GALNT14: variants seen among roughly 807,000 people sequenced by gnomAD.
The protein encoded by GALNT14 is polypeptide N-acetylgalactosaminyltransferase 14, also known as UDP-GalNAc:polypeptide N-acetylgalactosaminyltransferase 14.
GALNT14 carries 60 observed loss-of-function variants against 77.5 expected under a neutral mutation model. The ratio of observed to expected loss-of-function variants is 0.77; its 90% CI spans 0.63 to 0.96. The LOEUF is 0.96. Among genes scored for constraint, GALNT14 ranks in the 40% least tolerant of loss-of-function variants. The pLI, the probability that GALNT14 is intolerant of heterozygous loss-of-function variation, is 0.00. For synonymous variants in GALNT14, 280 were observed against 281.7 expected (o/e 0.99, Z 0.06); for missense variants, 710 against 731.0 (o/e 0.97, Z 0.33).
rs561540999 is a variant in GALNT14 at position 31,119,787 on chromosome 2, G to A, written c.129+18171C>T. On this transcript the variant is annotated intron_variant, in intron 1 of 14. Transcript: ENST00000349752. ...GTAGCAACAAGAGATGAGAGATAAA[G>A]TGTATACCCATCAAATGGAAATAGC... Among the ~76,000 whole-genome samples, 18 of 152,312 alleles carry A rather than the reference G, an allele frequency of 1.2e-4. 1 individual carries two copies. The South Asian group carries it at 3.7e-3, about 32-fold the overall frequency.
chr2:31,098,569 G>C lies in GALNT14; in HGVS notation c.129+39389C>G, dbSNP rs548272141. On this transcript the variant is annotated intron_variant, in intron 1 of 14. Transcript: ENST00000349752. Reference sequence around the variant, plus strand: ...CCTTAAGGGAAACCATTGTTAGTCTGTTGTATTATCTTTCCAGAATTTCTT... The same window carrying C: ...CCTTAAGGGAAACCATTGTTAGTCTCTTGTATTATCTTTCCAGAATTTCTT... Among the ~76,000 whole-genome samples, 229 of 152,242 alleles carry C rather than the reference G, an allele frequency of 1.5e-3. 1 individual carries two copies. Among genetic ancestry groups the C allele is most frequent in the African/African-American group, 5.1e-3 (213 of 41,560 alleles).
chr2:31,114,275 GA>G (rs755840695), intron 1 of GALNT14, among the ~76,000 whole-genome samples: 418 of 138,454 alleles, frequency 3.0e-3, no homozygotes, highest in Middle Eastern at 0.022. Flanking sequence ...CAACAAGTGG[GA>G]AAAAAAAAAA....
At chr2:31,050,987 A>C (rs11891469) in intron 1 of GALNT14, among the ~76,000 whole-genome samples, 43,208 of 151,864 alleles carry the variant, frequency 0.28, 6,770 homozygotes, top group East Asian at 0.44. Context: ...AGATGAAGTC[A>C]AGGAATCAGG....
chr2:30,990,945 C>T (rs895537752), intron 2 of GALNT14, among the ~76,000 whole-genome samples: 13 of 152,204 alleles, frequency 8.5e-5, no homozygotes, highest in African/African-American at 2.9e-4. Flanking sequence ...ACAGACGGAA[C>T]ACACTGGGCT....
chr2:31,068,189 A>T (rs1456945945), intron 1 of GALNT14, among the ~76,000 whole-genome samples: 1 of 152,188 alleles, frequency 6.6e-6, no homozygotes, highest in Non-Finnish European at 1.5e-5. Context: ...CTGTAGACTT[A>T]AAAAGGTCCA....
At position 30,966,215 on chromosome 2, in the gene GALNT14, C is replaced by A; in HGVS notation, c.387G>T (p.Arg129Ser). Residue 129 changes from arginine to serine, a missense_variant, in exon 3 of 15, where the codon AGG (arginine) becomes AGT (serine). Physicochemically the swap from Arg to Ser is moderately radical, Grantham distance 110. Coordinates refer to ENST00000349752, the MANE Select transcript of GALNT14 (RefSeq NM_024572.4). ...FHNEARSTLL[R>S]TIRSVLNRTP... is the part of the protein sequence containing the mutation. ...CAAGGATGCCTCACCTGCGGATGGT[C>A]CTGAGCAGCGTGGAGCGGGCCTCGT... is the stretch of plus-strand genomic sequence containing the variant. 6.2e-7 allele frequency: 1 copy of A among 1,613,948 alleles called. No homozygotes were observed. Among genetic ancestry groups the A allele is most frequent in the Non-Finnish European group, 8.5e-7 (1 of 1,179,886 alleles).
intron 1 of GALNT14, among the ~76,000 whole-genome samples, chr2:31,065,714 T>A (rs1371164873): frequency 6.6e-6 from 1 of 152,134 alleles, no homozygotes; most frequent in Non-Finnish European, 1.5e-5. Flanking sequence ...ATGGAAGGCA[T>A]CACATTCAAA....
chr2:31,015,967 T>C (rs2148450622), intron 1 of GALNT14, among the ~76,000 whole-genome samples: 1 of 152,196 alleles, frequency 6.6e-6, no homozygotes, highest in Middle Eastern at 3.4e-3. Flanking sequence ...GCATGAAATC[T>C]AGAATGGGTA....
chr2:31,006,592 G>A (rs896038177), intron 1 of GALNT14, among the ~76,000 whole-genome samples: 14 of 152,188 alleles, frequency 9.2e-5, no homozygotes, highest in Non-Finnish European at 1.9e-4. Flanking sequence ...TGCCATGATA[G>A]GGGATCATTC....
chr2:30,991,626 G>A (rs1669709051), intron 2 of GALNT14, among the ~76,000 whole-genome samples: 1 of 152,152 alleles, frequency 6.6e-6, no homozygotes. Context: ...GAAAGTCAGA[G>A]TTAGAAGAAG....
intron 1 of GALNT14, among the ~76,000 whole-genome samples, chr2:31,043,761 G>C (rs1038746853): frequency 6.6e-6 from 1 of 152,116 alleles, no homozygotes; most frequent in African/African-American, 2.4e-5. Flanking sequence ...AGATGATTAA[G>C]ATACCACACC....
chr2:31,110,452 G>A (rs1373385385), intron 1 of GALNT14, among the ~76,000 whole-genome samples: 1 of 152,194 alleles, frequency 6.6e-6, no homozygotes, highest in Non-Finnish European at 1.5e-5. Context: ...AACCTCCAAT[G>A]AGCAAAATCA....
At chr2:31,095,758 G>T (rs1558566099) in intron 1 of GALNT14, among the ~76,000 whole-genome samples, 1 of 152,160 alleles carries the variant, frequency 6.6e-6, no homozygotes, top group Admixed American at 6.5e-5. Context: ...CGTAGTAGCT[G>T]TAAGACATAT....
At chr2:31,123,216 C>A (rs1177722180) in intron 1 of GALNT14, among the ~76,000 whole-genome samples, 1 of 150,886 alleles carries the variant, frequency 6.6e-6, no homozygotes, top group Non-Finnish European at 1.5e-5. Flanking sequence ...ATTGATGGAC[C>A]ATGGAGTCTG....
chr2:31,071,899 GC>G (rs1675396032), intron 1 of GALNT14, among the ~76,000 whole-genome samples: 1 of 152,180 alleles, frequency 6.6e-6, no homozygotes, highest in African/African-American at 2.4e-5. Context: ...CCAAGAGCAG[GC>G]CCCCATGCAA....
At chr2:30,967,964 T>G (rs567071267) in intron 2 of GALNT14, among the ~76,000 whole-genome samples, 1 of 152,218 alleles carries the variant, frequency 6.6e-6, no homozygotes, top group Non-Finnish European at 1.5e-5. Flanking sequence ...TTCCTCTACC[T>G]GAGGACTCTT....
chr2:30,892,718 G>T, the GALNT14 span, among the ~76,000 whole-genome samples: 7 of 152,294 alleles, frequency 4.6e-5, no homozygotes, highest in East Asian at 1.2e-3. Flanking sequence ...TGTGGGTATG[G>T]CAACATTTGG....
intron 1 of GALNT14, among the ~76,000 whole-genome samples, chr2:31,002,438 A>G (rs1188228380): frequency 3.3e-5 from 5 of 152,132 alleles, no homozygotes; most frequent in African/African-American, 1.2e-4. Context: ...TCAAAAAAAA[A>G]AAAGTGAACT....
intron 9 of GALNT14, among the ~76,000 whole-genome samples, chr2:30,937,266 C>T (rs1174976957): frequency 6.6e-6 from 1 of 152,244 alleles, no homozygotes; most frequent in African/African-American, 2.4e-5. Flanking sequence ...AGAACAGGCA[C>T]TTTCATTATC....
Sources: allele counts gnomAD v4.1 joint callset (sites outside exome capture counted in the v4.1 genomes callset), GRCh38; gene constraint gnomAD v4.1.1; transcripts MANE v1.5; gene names NCBI Gene and HGNC (gene_info 2026-07-23, HGNC 2026-07-21).